SLC5A1: variants seen among roughly 807,000 people sequenced by gnomAD.
SLC5A1 encodes solute carrier family 5 member 1.
Under a neutral mutation model 73.5 loss-of-function variants are expected in SLC5A1, and 42 were observed. That is an observed-to-expected ratio of 0.57 (90% CI 0.45 to 0.74). The LOEUF is 0.74. Among genes scored for constraint, SLC5A1 ranks in the 30% least tolerant of loss-of-function variants. The probability of loss-of-function intolerance (pLI) is 0.00; values close to 1 mark genes in which losing one functional copy is unlikely to be tolerated. For missense variants in SLC5A1, 634 were observed against 855.4 expected (o/e 0.74, Z 3.23); for synonymous variants, 300 against 317.4 (o/e 0.95, Z 0.58).
Position 32,104,787 on chromosome 22 carries a change from T to C in SLC5A1, c.1667T>C (p.Leu556Pro), listed in dbSNP as rs1049516620. The change falls in exon 14 of 15, where the codon CTC (leucine) becomes CCC (proline). Residue 556 changes from leucine (L) to proline (P), a missense_variant and splice_region_variant. By Grantham distance (98) the Leu-to-Pro change is moderately conservative. This residue lies in a region of SLC5A1 where 161 missense variants were observed against 178.7 expected (regional missense o/e 0.90). Coordinates refer to ENST00000266088, the MANE Select transcript of SLC5A1 (RefSeq NM_000343.4). ...TGACCTGTTCTGCCTTCTCTGCAGC[T>C]CTACCGTCTGTGTTGGAGCCTGCGC... ...LLTKPIPDVH[L>P]YRLCWSLRNS... The C allele has an allele frequency of 3.7e-6, 6 of 1,613,636 alleles. No homozygotes were observed. Among genetic ancestry groups the C allele is most frequent in the Admixed American group, 1.7e-5 (1 of 59,980 alleles).
intron 2 of SLC5A1, among the ~76,000 whole-genome samples, chr22:32,053,506 T>C (rs1187466821): frequency 1.3e-5 from 2 of 152,120 alleles, no homozygotes; most frequent in African/African-American, 4.8e-5. Flanking sequence ...CTCTGATTAA[T>C]ACACAACCAC....
At chr22:32,082,535 GT>G (rs2094001647) in intron 6 of SLC5A1, among the ~76,000 whole-genome samples, 1 of 152,088 alleles carries the variant, frequency 6.6e-6, no homozygotes, top group South Asian at 2.1e-4. Context: ...ACACACAGAG[GT>G]TTCAGAAGAG....
chr22:32,070,890 G>GAA (rs2093981926), intron 5 of SLC5A1, among the ~76,000 whole-genome samples: 1 of 152,002 alleles, frequency 6.6e-6, no homozygotes, highest in South Asian at 2.1e-4. Context: ...GAAAAGAAAA[G>GAA]AAAAGAAAAG....
At chr22:32,047,059 A>AT (rs1372639777) in intron 1 of SLC5A1, among the ~76,000 whole-genome samples, 1 of 152,256 alleles carries the variant, frequency 6.6e-6, no homozygotes, top group Non-Finnish European at 1.5e-5. Context: ...TGAACAAGGC[A>AT]TAAGTGAAGT....
intron 11 of SLC5A1, among the ~76,000 whole-genome samples, chr22:32,094,952 T>C (rs888853589): frequency 5.9e-5 from 9 of 152,116 alleles, no homozygotes; most frequent in African/African-American, 2.2e-4. Context: ...ATTGTGCTCT[T>C]TCAGACTTTT....
chr22:32,082,044 T>C (rs1391048657), intron 6 of SLC5A1, 73 bp downstream of exon 6: 3 of 964,662 alleles, frequency 3.1e-6, no homozygotes, highest in African/African-American at 3.2e-5. Context: ...TAAAGGGAAG[T>C]AGGAGAGGTG....
chr22:32,086,157 G>C (rs994151757), intron 9 of SLC5A1, 63 bp from the exon 10 acceptor site: 1 of 1,008,330 alleles, frequency 9.9e-7, no homozygotes, highest in Admixed American at 1.7e-5. Flanking sequence ...AAAAAAAGAA[G>C]GTGAATTTTG....
At chr22:32,054,237 C>T (rs2149484300) in intron 2 of SLC5A1, among the ~76,000 whole-genome samples, 1 of 152,304 alleles carries the variant, frequency 6.6e-6, no homozygotes, top group Admixed American at 6.5e-5. Context: ...TGAATTGAAT[C>T]ATTCATCTAT....
chr22:32,100,271 A>G (rs2094034064), intron 12 of SLC5A1, among the ~76,000 whole-genome samples: 1 of 152,238 alleles, frequency 6.6e-6, no homozygotes, highest in Non-Finnish European at 1.5e-5. Context: ...ATATGAGATC[A>G]TATCATATGT....
intron 2 of SLC5A1, among the ~76,000 whole-genome samples, chr22:32,059,854 C>T (rs1026842598): frequency 2.6e-5 from 4 of 152,006 alleles, no homozygotes; most frequent in Non-Finnish European, 4.4e-5. Flanking sequence ...AACTTTGCTG[C>T]GGCCTGATGG....
chr22:32,091,330 C>G (rs952219971), intron 10 of SLC5A1, among the ~76,000 whole-genome samples: 2 of 148,864 alleles, frequency 1.3e-5, no homozygotes, highest in Non-Finnish European at 2.9e-5. Context: ...CACACACACA[C>G]ACACACACAC....
chr22:32,052,751 C>G (rs574218684), intron 2 of SLC5A1, among the ~76,000 whole-genome samples: 1 of 152,088 alleles, frequency 6.6e-6, no homozygotes, highest in Admixed American at 6.5e-5. Context: ...AACACCAAGG[C>G]CTTGCACTGC....
chr22:32,052,505 G>T (rs537899757), intron 2 of SLC5A1, among the ~76,000 whole-genome samples: 3 of 152,150 alleles, frequency 2.0e-5, no homozygotes, highest in African/African-American at 7.2e-5. Flanking sequence ...GAGGGAACCA[G>T]GCAACTGGAC....
chr22:32,101,255 C>A (rs184969114), intron 12 of SLC5A1, among the ~76,000 whole-genome samples: 1 of 151,956 alleles, frequency 6.6e-6, no homozygotes. Flanking sequence ...CACTGGCCTG[C>A]CAAACTCAAA....
At chr22:32,055,916 T>A (rs549407599) in intron 2 of SLC5A1, among the ~76,000 whole-genome samples, 2 of 152,214 alleles carry the variant, frequency 1.3e-5, no homozygotes, top group Non-Finnish European at 2.9e-5. Context: ...ACCAGCAGCA[T>A]CAGCAAGACC....
intron 2 of SLC5A1, among the ~76,000 whole-genome samples, chr22:32,060,579 T>C (rs917506859): frequency 6.6e-6 from 1 of 152,070 alleles, no homozygotes; most frequent in Non-Finnish European, 1.5e-5. Flanking sequence ...GATCTTAGCA[T>C]TTTTTGGAGG....
At chr22:32,091,821 G>C in intron 11 of SLC5A1, 59 bp downstream of exon 11, 4 of 1,582,904 alleles carry the variant, frequency 2.5e-6, no homozygotes, top group Non-Finnish European at 3.5e-6. Flanking sequence ...TTCCATCTGT[G>C]TTACCCCTCA....
At chr22:32,078,797 C>CA (rs1275725195) in intron 5 of SLC5A1, among the ~76,000 whole-genome samples, 4 of 151,106 alleles carry the variant, frequency 2.6e-5, no homozygotes, top group East Asian at 2.0e-4. Flanking sequence ...TACTAAAATA[C>CA]AAAAAAAATT....
chr22:32,068,993 T>C (rs1475996), intron 5 of SLC5A1, among the ~76,000 whole-genome samples: 6,817 of 152,214 alleles, frequency 0.045, 205 homozygotes, highest in Non-Finnish European at 0.07. Flanking sequence ...TTCACAATAG[T>C]GAAGATATAG....
Sources: allele counts gnomAD v4.1 joint callset (sites outside exome capture counted in the v4.1 genomes callset), GRCh38; gene constraint gnomAD v4.1.1; regional missense constraint gnomAD v4.1.1; transcripts MANE v1.5; gene names NCBI Gene and HGNC (gene_info 2026-07-23, HGNC 2026-07-21).